VTI1A: variants seen among roughly 807,000 people sequenced by gnomAD.
The protein encoded by VTI1A is vesicle transport through interaction with t-SNAREs 1A, also known as vesicle transport through interaction with t-SNAREs homolog 1A.
VTI1A carries 22 observed loss-of-function variants against 34.9 expected under a neutral mutation model. The observed-to-expected ratio is 0.63, with a 90% CI of 0.45 to 0.90. The LOEUF (loss-of-function observed/expected upper bound fraction) is 0.90, where lower values mean the gene tolerates loss of function less well. VTI1A is among the 40% of genes least tolerant of loss of function. The probability of loss-of-function intolerance (pLI) is 0.00; values close to 1 mark genes in which losing one functional copy is unlikely to be tolerated. For synonymous variants in VTI1A, 87 were observed against 97.3 expected, an observed-to-expected ratio of 0.89 and a Z score of 0.62; for missense variants, 268 against 275.6, an observed-to-expected ratio of 0.97 and a Z score of 0.20.
intron 3 of VTI1A, among the ~76,000 whole-genome samples, chr10:112,478,388 A>G (rs1313685827): frequency 6.6e-6 from 1 of 152,190 alleles, no homozygotes; most frequent in Non-Finnish European, 1.5e-5. Context: ...CACTTGGAGA[A>G]CTGCACTGCT....
At chr10:112,784,774 C>T (rs1271633358) in intron 7 of VTI1A, among the ~76,000 whole-genome samples, 1 of 152,178 alleles carries the variant, frequency 6.6e-6, no homozygotes, top group Non-Finnish European at 1.5e-5. Flanking sequence ...TGTTTTAAGG[C>T]ATTTCTCCAA....
intron 3 of VTI1A, among the ~76,000 whole-genome samples, chr10:112,516,259 TA>T (rs1849772996): frequency 1.3e-5 from 2 of 152,118 alleles, no homozygotes; most frequent in South Asian, 4.1e-4. Flanking sequence ...TTCTACATAA[TA>T]AAAAATGGCA....
chr10:112,742,578 A>G (rs189918876), intron 7 of VTI1A, among the ~76,000 whole-genome samples: 323 of 152,332 alleles, frequency 2.1e-3, no homozygotes, highest in African/African-American at 7.0e-3. Context: ...CCAGGAGTGG[A>G]GGCTGCTAAA....
At chr10:112,735,666 C>A (rs1850425214) in intron 7 of VTI1A, among the ~76,000 whole-genome samples, 1 of 152,074 alleles carries the variant, frequency 6.6e-6, no homozygotes, top group South Asian at 2.1e-4. Context: ...GCTTCATAAA[C>A]AAAGCTGTTA....
intron 5 of VTI1A, among the ~76,000 whole-genome samples, chr10:112,540,420 A>T (rs1850822297): frequency 3.9e-5 from 6 of 152,220 alleles, no homozygotes. Context: ...TTGACTTGTC[A>T]CATAAGGCTT....
intron 7 of VTI1A, among the ~76,000 whole-genome samples, chr10:112,704,397 AG>A (rs1259864061): frequency 1.3e-5 from 2 of 152,172 alleles, no homozygotes; most frequent in Admixed American, 1.3e-4. Flanking sequence ...ATGACCCCAC[AG>A]GGACAATATG....
chr10:112,629,155 A>G (rs1484329040), intron 5 of VTI1A, among the ~76,000 whole-genome samples: 1 of 152,256 alleles, frequency 6.6e-6, no homozygotes, highest in Non-Finnish European at 1.5e-5. Context: ...GGACACTCAG[A>G]GGCCTCAGAC....
intron 7 of VTI1A, among the ~76,000 whole-genome samples, chr10:112,761,974 AC>A (rs1467382394): frequency 1.3e-5 from 2 of 152,142 alleles, no homozygotes; most frequent in Non-Finnish European, 2.9e-5. Flanking sequence ...GCAGTCCTGG[AC>A]AGCATTATGC....
chr10:112,781,363 C>T (rs1033365276), intron 7 of VTI1A, among the ~76,000 whole-genome samples: 1 of 152,138 alleles, frequency 6.6e-6, no homozygotes, highest in Non-Finnish European at 1.5e-5. Flanking sequence ...TGCAGTCTGC[C>T]CCAGGTGTTG....
rs778688415 is a variant in VTI1A, at chr10:112,817,983, G to A, written c.*2600G>A. 9.4e-5 allele frequency: 22 copies of A among 233,000 alleles called. No individual in the cohort carries two copies. Among genetic ancestry groups the A allele is most frequent in the Non-Finnish European group, 1.3e-4 (15 of 117,712 alleles). The allele number at this position is 233,000 out of a possible 1,614,324, so 14.4% of individuals were successfully genotyped here. On this transcript the variant is annotated 3_prime_UTR_variant, in exon 8 of 8. Transcript: ENST00000393077. ...ATGCTACCCCACTCCAGAATCAAAA[G>A]CAATTTAATTAAAGTCTCTTAAGTT...
At chr10:112,740,403 C>T (rs1850653899) in intron 7 of VTI1A, among the ~76,000 whole-genome samples, 1 of 152,214 alleles carries the variant, frequency 6.6e-6, no homozygotes, top group Non-Finnish European at 1.5e-5. Flanking sequence ...AAGTCTCCTG[C>T]CTCAGCCTCC....
intron 5 of VTI1A, among the ~76,000 whole-genome samples, chr10:112,659,277 T>A (rs1847356584): frequency 6.6e-6 from 1 of 152,248 alleles, no homozygotes; most frequent in Non-Finnish European, 1.5e-5. Context: ...TTTCTGCTGC[T>A]TCATCTCCTG....
chr10:112,582,279 C>T (rs1311989242), intron 5 of VTI1A, among the ~76,000 whole-genome samples: 1 of 152,184 alleles, frequency 6.6e-6, no homozygotes, highest in Non-Finnish European at 1.5e-5. Context: ...CCCATGACCT[C>T]ATGACCTCCC....
intron 5 of VTI1A, among the ~76,000 whole-genome samples, chr10:112,614,441 T>C (rs1056349036): frequency 6.6e-6 from 1 of 152,142 alleles, no homozygotes; most frequent in Admixed American, 6.5e-5. Flanking sequence ...ACCATAAGTT[T>C]ATGGGAAAAA....
chr10:112,601,141 A>G (rs1341983122), intron 5 of VTI1A, among the ~76,000 whole-genome samples: 1 of 152,194 alleles, frequency 6.6e-6, no homozygotes, highest in African/African-American at 2.4e-5. Context: ...GGGAGAGGTC[A>G]TCTTTGGCCG....
At chr10:112,638,101 TC>T (rs1846429009) in intron 5 of VTI1A, among the ~76,000 whole-genome samples, 1 of 152,252 alleles carries the variant, frequency 6.6e-6, no homozygotes, top group Non-Finnish European at 1.5e-5. Context: ...TTCGTAGCAA[TC>T]CTTGAGATTT....
chr10:112,755,533 C>T lies in VTI1A; in HGVS notation c.561-59757C>T, dbSNP rs146915957. 5.5e-3 allele frequency among the ~76,000 whole-genome samples: 831 copies of T among 152,268 alleles called. 7 individuals carry two copies. Among genetic ancestry groups the T allele is most frequent in the African/African-American group, 0.019 (790 of 41,560 alleles). ...TGCACGTGGACCAAATGTCCCTGCA[C>T]GGAGCAGCGCCCATAAACAGATTAC... On this transcript the variant is annotated intron_variant, in intron 7 of 7. Coordinates refer to ENST00000393077, the MANE Select transcript of VTI1A (RefSeq NM_145206.4).
At chr10:112,592,514 C>T (rs1349855034) in intron 5 of VTI1A, among the ~76,000 whole-genome samples, 3 of 152,202 alleles carry the variant, frequency 2.0e-5, no homozygotes, top group Admixed American at 6.5e-5. Context: ...TTTCTGCCTC[C>T]GCAATGGTGC....
At chr10:112,787,706 T>TC (rs1852332185) in intron 7 of VTI1A, among the ~76,000 whole-genome samples, 1 of 136,586 alleles carries the variant, frequency 7.3e-6, no homozygotes, top group African/African-American at 2.6e-5. Context: ...TTCTTTTTTT[T>TC]TTTTTTTTTT....
Sources: allele counts gnomAD v4.1 joint callset (sites outside exome capture counted in the v4.1 genomes callset), GRCh38; gene constraint gnomAD v4.1.1; transcripts MANE v1.5; gene names NCBI Gene and HGNC (gene_info 2026-07-23, HGNC 2026-07-21).